Variants in FHIT observed in about 807,000 individuals in gnomAD.
FHIT encodes bis(5'-adenosyl)-triphosphatase.
In FHIT, 19 loss-of-function variants were observed where a neutral mutation model predicts 17.9. The observed-to-expected ratio is 1.06, with a 90% CI of 0.74 to 1.56. The LOEUF (loss-of-function observed/expected upper bound fraction) is 1.56, where lower values mean the gene tolerates loss of function less well. FHIT is among the 40% of genes most tolerant of loss of function. FHIT has a pLI of 0.00. For synonymous variants in FHIT, 81 were observed against 69.7 expected, an observed-to-expected ratio of 1.16 and a Z score of -0.81; for missense variants, 248 against 189.2, an observed-to-expected ratio of 1.31 and a Z score of -1.82.
intron 5 of FHIT, among the ~76,000 whole-genome samples, chr3:60,207,382 C>T (rs1703245878): frequency 6.6e-6 from 1 of 152,098 alleles, no homozygotes; most frequent in Non-Finnish European, 1.5e-5. Context: ...CCTTTCCTTC[C>T]TTTCAATAAT....
chr3:60,028,303 C>T (rs1700840670), intron 5 of FHIT, among the ~76,000 whole-genome samples: 1 of 152,200 alleles, frequency 6.6e-6, no homozygotes, highest in African/African-American at 2.4e-5. Context: ...ACCAATTCCC[C>T]AACAACACGG....
chr3:60,635,420 T>C (rs782539745), intron 4 of FHIT, among the ~76,000 whole-genome samples: 1 of 152,208 alleles, frequency 6.6e-6, no homozygotes, highest in African/African-American at 2.4e-5. Flanking sequence ...ATTTGGCCAG[T>C]TGACCACTCC....
intron 3 of FHIT, among the ~76,000 whole-genome samples, chr3:60,842,334 A>C (rs1372286919): frequency 3.3e-5 from 5 of 150,778 alleles, no homozygotes; most frequent in African/African-American, 4.9e-5. Flanking sequence ...GACAGTATTG[A>C]TCTCCCACCA....
chr3:60,799,301 C>T (rs968649370), intron 4 of FHIT, among the ~76,000 whole-genome samples: 3 of 152,144 alleles, frequency 2.0e-5, no homozygotes, highest in Admixed American at 1.3e-4. Flanking sequence ...CAGCCTCCCA[C>T]GTAGCTGGGA....
At chr3:61,205,475 C>T (rs2039193666) in intron 1 of FHIT, among the ~76,000 whole-genome samples, 1 of 152,172 alleles carries the variant, frequency 6.6e-6, no homozygotes, top group Non-Finnish European at 1.5e-5. Context: ...ACATCCTCTC[C>T]AGCACCTGTT....
intron 4 of FHIT, among the ~76,000 whole-genome samples, chr3:60,786,452 G>T (rs547076680): frequency 1.3e-5 from 2 of 152,160 alleles, no homozygotes; most frequent in Non-Finnish European, 2.9e-5. Flanking sequence ...AATGGAGATG[G>T]TTCAAATGCT....
intron 7 of FHIT, among the ~76,000 whole-genome samples, chr3:59,978,419 C>T (rs997731534): frequency 6.6e-6 from 1 of 151,828 alleles, no homozygotes; most frequent in Non-Finnish European, 1.5e-5. Context: ...GCTTTAGAGT[C>T]CCAAAATCAC....
chr3:60,608,790 A>G (rs917033635), intron 4 of FHIT, among the ~76,000 whole-genome samples: 1 of 152,208 alleles, frequency 6.6e-6, no homozygotes, highest in Non-Finnish European at 1.5e-5. Context: ...AGTCAAAGTC[A>G]TGTAAAGAGA....
At chr3:61,013,759 A>G (rs1225153268) in intron 3 of FHIT, among the ~76,000 whole-genome samples, 1 of 152,222 alleles carries the variant, frequency 6.6e-6, no homozygotes, top group Non-Finnish European at 1.5e-5. Context: ...TAGGATTAGA[A>G]CATGAATTAA....
chr3:60,346,415 C>T (rs975957810), intron 5 of FHIT, among the ~76,000 whole-genome samples: 2 of 152,074 alleles, frequency 1.3e-5, no homozygotes, highest in Non-Finnish European at 2.9e-5. Context: ...TGGACATGCC[C>T]AAAGCAGACT....
At chr3:60,548,597 C>T (rs917958213) in intron 4 of FHIT, among the ~76,000 whole-genome samples, 3 of 152,134 alleles carry the variant, frequency 2.0e-5, no homozygotes, top group Non-Finnish European at 4.4e-5. Flanking sequence ...AGAAAAAGAG[C>T]GCATATTTCC....
rs147034859 is a variant in FHIT at position 60,319,718 on chromosome 3, G to A, written c.103+217142C>T. Among the ~76,000 whole-genome samples the A allele has an allele frequency of 1.9e-3, 292 of 152,254 alleles. 6 individuals are homozygous for A. The South Asian group carries it at 0.044, about 23-fold the overall frequency. On this transcript the variant is annotated intron_variant, in intron 5 of 9. Transcript: ENST00000492590. ...AAACCGCACAAATAAAGTGATCACC[G>A]TGGAAGCTTCCAGAGACACTGAGGG...
chr3:60,478,777 C>G (rs2033468272), intron 5 of FHIT, among the ~76,000 whole-genome samples: 1 of 152,118 alleles, frequency 6.6e-6, no homozygotes, highest in Non-Finnish European at 1.5e-5. Context: ...TGAACAAATA[C>G]ATGAAATAAA....
intron 5 of FHIT, among the ~76,000 whole-genome samples, chr3:60,017,533 C>A (rs887277026): frequency 1.3e-4 from 20 of 152,228 alleles, no homozygotes; most frequent in Non-Finnish European, 2.4e-4. Context: ...GTCAGACACA[C>A]TGAATCCATT....
At chr3:60,539,941 A>T (rs926228368) in intron 4 of FHIT, among the ~76,000 whole-genome samples, 1 of 150,296 alleles carries the variant, frequency 6.7e-6, no homozygotes, top group Non-Finnish European at 1.5e-5. Flanking sequence ...AAAGTATAAT[A>T]AAAATATATA....
At chr3:59,868,385 G>A (rs1702755371) in intron 8 of FHIT, among the ~76,000 whole-genome samples, 1 of 152,138 alleles carries the variant, frequency 6.6e-6, no homozygotes, top group Non-Finnish European at 1.5e-5. Flanking sequence ...ATGTCAAAAT[G>A]ATAATGGGGA....
chr3:60,245,251 T>C (rs1312435677), intron 5 of FHIT, among the ~76,000 whole-genome samples: 1 of 152,108 alleles, frequency 6.6e-6, no homozygotes, highest in African/African-American at 2.4e-5. Flanking sequence ...AATTTCCTTG[T>C]AGCTAATAAT....
intron 4 of FHIT, among the ~76,000 whole-genome samples, chr3:60,656,490 C>A (rs1345894930): frequency 3.9e-5 from 6 of 152,078 alleles, no homozygotes; most frequent in African/African-American, 1.5e-4. Context: ...AATTGGGGCA[C>A]CTCTACAGAC....
At chr3:60,419,860 G>C (rs576239354) in intron 5 of FHIT, among the ~76,000 whole-genome samples, 6 of 152,090 alleles carry the variant, frequency 3.9e-5, no homozygotes, top group African/African-American at 7.2e-5. Flanking sequence ...CTTTTTCTTC[G>C]TTTTGAAATA....
Sources: allele counts gnomAD v4.1 joint callset (sites outside exome capture counted in the v4.1 genomes callset), GRCh38; gene constraint gnomAD v4.1.1; transcripts MANE v1.5; gene names NCBI Gene and HGNC (gene_info 2026-07-23, HGNC 2026-07-21).